HDAC4: variants seen among roughly 807,000 people sequenced by gnomAD.
HDAC4 encodes histone deacetylase A.
HDAC4 carries 16 observed loss-of-function variants against 135.1 expected under a neutral mutation model. That is an observed-to-expected ratio of 0.12 (90% confidence interval 0.08 to 0.18). The LOEUF is 0.18. Among genes scored for constraint, HDAC4 ranks in the 10% least tolerant of loss-of-function variants. HDAC4 has a pLI of 1.00. For synonymous variants in HDAC4, 685 were observed against 653.4 expected (o/e 1.05, Z -0.74); for missense variants, 1,143 against 1,511.8 (o/e 0.76, Z 4.05).
At position 239,121,688 on chromosome 2, in the gene HDAC4, G is replaced by A. The variant is rs142960721; in HGVS notation, c.1533+4768C>T. On this transcript the variant is annotated intron_variant, in intron 12 of 26. Coordinates refer to ENST00000543185, the MANE Select transcript of HDAC4 (RefSeq NM_001378414.1). ...CATCTCCACACCGTGGGCCTCCGGC[G>A]AGGGCTCTCAGGCAGGGCCTGAGGA... Among the ~76,000 whole-genome samples, 560 of 152,372 alleles carry A rather than the reference G, an allele frequency of 3.7e-3. 2 individuals carry two copies. The highest frequency in any genetic ancestry group is 0.01 in the Middle Eastern group (3 of 294).
chr2:239,274,764 C>T (rs769040542), intron 2 of HDAC4, among the ~76,000 whole-genome samples: 3 of 152,138 alleles, frequency 2.0e-5, no homozygotes, highest in Non-Finnish European at 4.4e-5. Context: ...CCCAAAGCTG[C>T]TCCAGAAAAG....
At chr2:239,393,360 C>G (rs1696357754) in intron 1 of HDAC4, among the ~76,000 whole-genome samples, 1 of 152,212 alleles carries the variant, frequency 6.6e-6, no homozygotes, top group African/African-American at 2.4e-5. Flanking sequence ...ATAGAAAGAA[C>G]AGAAGCAAAC....
chr2:239,110,406 C>T (rs958589811), intron 14 of HDAC4, among the ~76,000 whole-genome samples: 9 of 152,192 alleles, frequency 5.9e-5, no homozygotes, highest in Non-Finnish European at 1.2e-4. Flanking sequence ...TCCTTGGTGG[C>T]GGTGACTGGG....
chr2:239,110,566 G>A (rs1464878437), intron 14 of HDAC4, among the ~76,000 whole-genome samples: 1 of 152,186 alleles, frequency 6.6e-6, no homozygotes, highest in African/African-American at 2.4e-5. Context: ...TACCTACTCT[G>A]GAAATTTGTC....
chr2:239,151,589 T>A (rs1329122173), intron 7 of HDAC4, among the ~76,000 whole-genome samples: 1 of 151,908 alleles, frequency 6.6e-6, no homozygotes. Context: ...CCCAGGACCT[T>A]TGACTGACTG....
intron 1 of HDAC4, among the ~76,000 whole-genome samples, chr2:239,373,513 G>A (rs35730848): frequency 1.3e-5 from 2 of 152,250 alleles, no homozygotes; most frequent in South Asian, 4.2e-4. Context: ...CTGTCGCCCA[G>A]GCTGGAGTGC....
At chr2:239,346,936 C>G (rs1249709158) in intron 2 of HDAC4, among the ~76,000 whole-genome samples, 2 of 113,560 alleles carry the variant, frequency 1.8e-5, no homozygotes, top group African/African-American at 2.8e-5. Flanking sequence ...CACACACACC[C>G]TAACACATAC....
chr2:239,271,913 C>T (rs2050081244), intron 2 of HDAC4, among the ~76,000 whole-genome samples: 1 of 152,216 alleles, frequency 6.6e-6, no homozygotes, highest in Non-Finnish European at 1.5e-5. Flanking sequence ...CCATACTCAA[C>T]AAGACCAATA....
At chr2:239,105,391 C>T (rs1004875499) in intron 15 of HDAC4, among the ~76,000 whole-genome samples, 2 of 152,198 alleles carry the variant, frequency 1.3e-5, no homozygotes, top group South Asian at 2.1e-4. Context: ...GGGCGGGGCC[C>T]GCACACACAC....
chr2:239,139,834 T>C lies in HDAC4; in HGVS notation c.866-38A>G. 1.9e-6 allele frequency: 3 copies of C among 1,575,592 alleles called. No homozygotes were observed. Among genetic ancestry groups the C allele is most frequent in the East Asian group, 2.2e-5 (1 of 44,668 alleles). ...AAATACCCTGGTGAGTGTTACTCCA[T>C]GCGGAGGGAGGGCCGTGCTGACCTG... On this transcript the variant is annotated intron_variant, in intron 8 of 26. Coordinates refer to ENST00000543185, the MANE Select transcript of HDAC4 (RefSeq NM_001378414.1). This position sits in a 1 kb window ranked among gnomAD's most constrained non-coding sequence, Gnocchi z 5.3.
In HDAC4 at chr2:239,089,742, TTAA is replaced by T. The variant is rs201558538; in HGVS notation, c.2388+264_2388+266del. On this transcript the variant is annotated intron_variant, in intron 18 of 26. Coordinates refer to ENST00000543185, the MANE Select transcript of HDAC4 (RefSeq NM_001378414.1). Reference sequence around the variant, plus strand: ...GCTCTTTGGAGCTTTTTTTTTTTTTTTAAGAGTATAAATTTTTAAGAGTATAAA... The same window carrying T: ...GCTCTTTGGAGCTTTTTTTTTTTTTTGAGTATAAATTTTTAAGAGTATAAA... 2,991 of 410,190 alleles carry T rather than the reference TTAA, an allele frequency of 7.3e-3. 72 individuals are homozygous for T. Among genetic ancestry groups the T allele is most frequent in the African/African-American group, 0.047 (2,312 of 49,292 alleles). 25.4% of individuals were successfully genotyped at this position (410,190 alleles called of 1,614,324 possible).
intron 1 of HDAC4, among the ~76,000 whole-genome samples, chr2:239,362,289 C>T (rs959227507): frequency 4.6e-5 from 7 of 152,218 alleles, no homozygotes; most frequent in Non-Finnish European, 7.3e-5. Flanking sequence ...GCATCACTAA[C>T]GCTTACGTGT....
intron 1 of HDAC4, among the ~76,000 whole-genome samples, chr2:239,394,864 A>G (rs1696459850): frequency 6.6e-6 from 1 of 152,250 alleles, no homozygotes; most frequent in Admixed American, 6.5e-5. Context: ...CAGGGTACAG[A>G]GCAGGCATGA....
chr2:239,287,660 T>C (rs915525042), intron 2 of HDAC4, among the ~76,000 whole-genome samples: 1 of 152,120 alleles, frequency 6.6e-6, no homozygotes, highest in African/African-American at 2.4e-5. Flanking sequence ...ACCAGGAAGA[T>C]AAGAGCAGGC....
At chr2:239,341,638 A>C (rs1692303951) in intron 2 of HDAC4, among the ~76,000 whole-genome samples, 1 of 152,248 alleles carries the variant, frequency 6.6e-6, no homozygotes, top group African/African-American at 2.4e-5. Context: ...TGAATCAACA[A>C]GTCACTGAGA....
chr2:239,246,366 G>C (rs540739367), intron 2 of HDAC4, among the ~76,000 whole-genome samples: 5 of 152,356 alleles, frequency 3.3e-5, no homozygotes, highest in Non-Finnish European at 7.3e-5. Flanking sequence ...GTGGCAGCCG[G>C]AGAAGCACCG....
At chr2:239,190,571 A>G (rs996542975) in intron 3 of HDAC4, among the ~76,000 whole-genome samples, 1 of 152,194 alleles carries the variant, frequency 6.6e-6, no homozygotes, top group Non-Finnish European at 1.5e-5. Context: ...GAGCCACAAG[A>G]GCGTGTGCCC....
chr2:239,372,494 G>A (rs777775302), intron 1 of HDAC4, among the ~76,000 whole-genome samples: 18 of 152,146 alleles, frequency 1.2e-4, no homozygotes, highest in Admixed American at 9.8e-4. Context: ...GCACACACGC[G>A]CGCACACACA....
At chr2:239,279,560 C>T (rs1254865635) in intron 2 of HDAC4, among the ~76,000 whole-genome samples, 6 of 152,232 alleles carry the variant, frequency 3.9e-5, no homozygotes, top group Admixed American at 6.5e-5. Context: ...AGGACACTGT[C>T]GGGGTGAGGA....
Sources: gnomAD v4.1 joint callset for allele counts (sites outside exome capture counted in the v4.1 genomes callset) on GRCh38, gnomAD v4.1.1 for gene constraint, Gnocchi (gnomAD v3.1) non-coding constraint, MANE v1.5 for transcripts, NCBI Gene and HGNC (gene_info 2026-07-23, HGNC 2026-07-21) for gene names.